Variants in SPATA13 observed in about 807,000 individuals in gnomAD.
SPATA13 encodes spermatogenesis associated 13.
In SPATA13, 50 loss-of-function variants were observed where a neutral mutation model predicts 104.0. That is an observed-to-expected ratio of 0.48 (90% CI 0.38 to 0.61). The LOEUF (loss-of-function observed/expected upper bound fraction) is 0.61. SPATA13 is among the 20% of genes least tolerant of loss of function. SPATA13 has a pLI of 0.00. For synonymous variants in SPATA13, 606 were observed against 667.5 expected (o/e 0.91, Z 1.42); for missense variants, 1,524 against 1,690.6 (o/e 0.90, Z 1.73).
intron 3 of SPATA13, among the ~76,000 whole-genome samples, chr13:24,072,192 C>T (rs1166221538): frequency 2.0e-5 from 3 of 152,120 alleles, no homozygotes; most frequent in African/African-American, 7.2e-5. Context: ...GTAACTAACC[C>T]TAGACATACA....
intron 2 of SPATA13, among the ~76,000 whole-genome samples, chr13:24,009,054 T>C (rs1876354215): frequency 6.6e-6 from 1 of 152,188 alleles, no homozygotes; most frequent in East Asian, 1.9e-4. Context: ...TCACGTGGGG[T>C]AGGTCTCTTT....
At chr13:24,050,766 C>T (rs1434521846) in intron 3 of SPATA13, among the ~76,000 whole-genome samples, 2 of 152,194 alleles carry the variant, frequency 1.3e-5, no homozygotes, top group Non-Finnish European at 2.9e-5. Context: ...TCTGTGACTC[C>T]CGCGCTGGCA....
chr13:23,995,151 A>G (rs148771049), intron 2 of SPATA13, among the ~76,000 whole-genome samples: 68 of 152,328 alleles, frequency 4.5e-4, no homozygotes, highest in Middle Eastern at 3.4e-3. Context: ...GACATCCTTA[A>G]GAGCCTGAAG....
chr13:24,023,365 C>A (rs1877070820), intron 3 of SPATA13, among the ~76,000 whole-genome samples: 1 of 151,540 alleles, frequency 6.6e-6, no homozygotes, highest in Admixed American at 6.6e-5. Flanking sequence ...AAATTCATTT[C>A]TCTGGAGTGA....
chr13:24,075,952 G>C (rs1593314223), intron 3 of SPATA13, among the ~76,000 whole-genome samples: 1 of 152,126 alleles, frequency 6.6e-6, no homozygotes, highest in Non-Finnish European at 1.5e-5. Context: ...TCTAGAATGG[G>C]GGAAAAAACT....
upstream of SPATA13, among the ~76,000 whole-genome samples, chr13:24,159,102 A>AT (rs1882354322): frequency 3.9e-5 from 4 of 101,770 alleles, no homozygotes; most frequent in East Asian, 2.5e-4. Flanking sequence ...TAAAGAGATA[A>AT]TAAAAAAACC....
chr13:24,172,648 A>G (rs1444817923), intron 1 of SPATA13, among the ~76,000 whole-genome samples: 6 of 152,344 alleles, frequency 3.9e-5, no homozygotes, highest in African/African-American at 1.4e-4. Context: ...CTTCTTTATC[A>G]AAAATTAGTT....
intron 3 of SPATA13, among the ~76,000 whole-genome samples, chr13:24,112,559 C>G (rs1238366423): frequency 6.6e-6 from 1 of 152,158 alleles, no homozygotes; most frequent in Non-Finnish European, 1.5e-5. Flanking sequence ...GGCATACACA[C>G]ACACACACAC....
intron 3 of SPATA13, among the ~76,000 whole-genome samples, chr13:24,149,985 G>A (rs913325745): frequency 6.6e-6 from 1 of 152,128 alleles, no homozygotes; most frequent in Non-Finnish European, 1.5e-5. Flanking sequence ...TGGCTGTGGG[G>A]AGGGAAGGGA....
chr13:24,222,767 G>T, intron 1 of SPATA13, 52 bp from the exon 2 acceptor site: 1 of 1,445,684 alleles, frequency 6.9e-7, no homozygotes. Context: ...TGTGAGCAGA[G>T]GGGCTACTGC....
intron 7 of SPATA13, among the ~76,000 whole-genome samples, chr13:24,288,122 T>A (rs1876091999): frequency 6.6e-6 from 1 of 152,196 alleles, no homozygotes; most frequent in African/African-American, 2.4e-5. Context: ...TATTGAGCAT[T>A]GACTGTTTGT....
At chr13:24,236,128 C>G (rs1308108626) in intron 2 of SPATA13, among the ~76,000 whole-genome samples, 1 of 152,204 alleles carries the variant, frequency 6.6e-6, no homozygotes, top group Non-Finnish European at 1.5e-5. Flanking sequence ...GAATCAGCAT[C>G]TGCTTTGGGA....
chr13:24,232,023 A>T (rs1045493019), intron 2 of SPATA13, among the ~76,000 whole-genome samples: 1 of 152,206 alleles, frequency 6.6e-6, no homozygotes, highest in Non-Finnish European at 1.5e-5. Flanking sequence ...ATCAGATAAT[A>T]TGATTATTCA....
intron 2 of SPATA13, among the ~76,000 whole-genome samples, chr13:24,003,453 GA>G (rs1273041839): frequency 6.6e-6 from 1 of 152,172 alleles, no homozygotes; most frequent in Non-Finnish European, 1.5e-5. Flanking sequence ...TGAGGAACCT[GA>G]ATTAAGGCTG....
intron 3 of SPATA13, among the ~76,000 whole-genome samples, chr13:24,026,881 C>T (rs952272446): frequency 3.9e-5 from 6 of 152,238 alleles, no homozygotes; most frequent in South Asian, 2.1e-4. Flanking sequence ...GGATTACAGG[C>T]GTGAGCCACC....
At chr13:24,125,274 C>T (rs946205825) in intron 3 of SPATA13, among the ~76,000 whole-genome samples, 6 of 152,188 alleles carry the variant, frequency 3.9e-5, no homozygotes, top group South Asian at 2.1e-4. Flanking sequence ...TCTCCTAACA[C>T]GGCGGGAGAG....
chr13:24,056,357 G>A (rs1011962326), intron 3 of SPATA13, among the ~76,000 whole-genome samples: 1 of 152,178 alleles, frequency 6.6e-6, no homozygotes, highest in Non-Finnish European at 1.5e-5. Flanking sequence ...TTACACATCT[G>A]GTTAACCACG....
intron 4 of SPATA13, among the ~76,000 whole-genome samples, chr13:24,258,903 G>A (rs17367047): frequency 0.046 from 6,989 of 152,246 alleles, 220 homozygotes; most frequent in Middle Eastern, 0.082. Flanking sequence ...CACTACTCAG[G>A]TCCACGTCAG....
At chr13:24,276,899 G>C (rs975334913) in intron 4 of SPATA13, among the ~76,000 whole-genome samples, 1 of 152,198 alleles carries the variant, frequency 6.6e-6, no homozygotes, top group Non-Finnish European at 1.5e-5. Context: ...ACTCTGCCCA[G>C]CAGAGCTGGC....
Sources: gnomAD v4.1 joint callset for allele counts (sites outside exome capture counted in the v4.1 genomes callset) on GRCh38, gnomAD v4.1.1 for gene constraint, MANE v1.5 for transcripts, NCBI Gene and HGNC (gene_info 2026-07-23, HGNC 2026-07-21) for gene names.